Variants in UNC13B observed in about 807,000 individuals in gnomAD.
UNC13B encodes the protein unc-13 homolog B.
Under a neutral mutation model 211.0 loss-of-function variants are expected in UNC13B, and 144 were observed. The observed-to-expected ratio is 0.68, with a 90% CI of 0.60 to 0.78. UNC13B has a LOEUF of 0.78. UNC13B is among the 30% of genes least tolerant of loss of function. The pLI is 0.00. For missense variants in UNC13B, 1,777 were observed against 2,002.0 expected, an observed-to-expected ratio of 0.89 and a Z score of 2.14; for synonymous variants, 709 against 725.8, an observed-to-expected ratio of 0.98 and a Z score of 0.37.
At chr9:35,226,611 A>G (rs530842413) in intron 1 of UNC13B, among the ~76,000 whole-genome samples, 1 of 152,324 alleles carries the variant, frequency 6.6e-6, no homozygotes, top group South Asian at 2.1e-4. Context: ...CAGGTGTAAG[A>G]CCAAGAGTCC....
chr9:35,381,856 A>G, intron 20 of UNC13B, 137 bp downstream of exon 20: 1 of 1,075,154 alleles, frequency 9.3e-7, no homozygotes, highest in Non-Finnish European at 1.4e-6. Context: ...GCTGGGTGAG[A>G]TGGGTCTATG....
intron 36 of UNC13B, 86 bp downstream of exon 36, chr9:35,399,815 C>A: frequency 7.9e-7 from 1 of 1,259,248 alleles, no homozygotes; most frequent in Non-Finnish European, 1.2e-6. Flanking sequence ...GGTGTCCCTC[C>A]AATTCTTAAC....
At chr9:35,200,094 G>A (rs1366269696) in intron 1 of UNC13B, among the ~76,000 whole-genome samples, 6 of 152,152 alleles carry the variant, frequency 3.9e-5, no homozygotes, top group Non-Finnish European at 8.8e-5. Context: ...TTATTAAATA[G>A]GGAATCCTTT....
chr9:35,197,700 T>A (rs1385043180), intron 1 of UNC13B, among the ~76,000 whole-genome samples: 1 of 151,686 alleles, frequency 6.6e-6, no homozygotes, highest in East Asian at 2.0e-4. Context: ...CTTGCTGTTC[T>A]TGTGACAGTG....
At chr9:35,310,378 G>T in intron 9 of UNC13B, 89 bp from the exon 10 acceptor site, 1 of 1,356,280 alleles carries the variant, frequency 7.4e-7, no homozygotes, top group Non-Finnish European at 1.0e-6. Context: ...TGCTACTAAT[G>T]TAGTCATTAT....
At chr9:35,384,575 T>C in intron 22 of UNC13B, 5 of 985,476 alleles carry the variant, frequency 5.1e-6, no homozygotes, top group Non-Finnish European at 6.0e-6. Context: ...CTAAACTCTC[T>C]GGTGACATTC....
intron 7 of UNC13B, among the ~76,000 whole-genome samples, chr9:35,271,359 A>T (rs904028464): frequency 1.3e-5 from 2 of 152,126 alleles, no homozygotes; most frequent in African/African-American, 4.8e-5. Flanking sequence ...CAGGAGACGC[A>T]TGTGGCTTTT....
intron 11 of UNC13B, among the ~76,000 whole-genome samples, chr9:35,343,326 G>C (rs1311114179): frequency 6.6e-6 from 1 of 152,206 alleles, no homozygotes; most frequent in African/African-American, 2.4e-5. Context: ...TCTAGTATGA[G>C]TTGGATAGGA....
intron 11 of UNC13B, among the ~76,000 whole-genome samples, chr9:35,325,456 G>A (rs1369792167): frequency 2.6e-5 from 4 of 152,140 alleles, no homozygotes; most frequent in Admixed American, 1.3e-4. Flanking sequence ...GTGACATAGA[G>A]ACAAGGATAC....
intron 8 of UNC13B, 105 bp downstream of exon 8, chr9:35,296,035 T>A: frequency 9.4e-7 from 1 of 1,065,050 alleles, no homozygotes; most frequent in Non-Finnish European, 1.4e-6. Flanking sequence ...AGCGTAAGTG[T>A]AGCAGTATCA....
chr9:35,222,010 G>A (rs1279805284), intron 1 of UNC13B, among the ~76,000 whole-genome samples: 3 of 152,026 alleles, frequency 2.0e-5, no homozygotes, highest in African/African-American at 7.2e-5. Flanking sequence ...TTTTTCCATT[G>A]ATCATTATGT....
rs774096285 is a variant in UNC13B at position 35,295,779 on chromosome 9, C to T, written c.610C>T (p.His204Tyr). ...ETSNSFPPPY[H>Y]TASQPNASVH... ...CAGCAACAGCTTCCCACCTCCTTAC[C>T]ATACAGCTTCCCAGCCCAACGCTTC... Residue 204 changes from histidine to tyrosine, a missense_variant, in exon 8 of 40, where the codon CAT becomes TAT. Coordinates refer to ENST00000635942, the MANE Select transcript of UNC13B (RefSeq NM_001371189.2). The T allele has an allele frequency of 1.9e-6, 3 of 1,614,048 alleles. No homozygotes were observed. In the South Asian group the frequency reaches 3.3e-5, roughly 18 times the overall value.
chr9:35,218,923 A>AT (rs1824413551), intron 1 of UNC13B, among the ~76,000 whole-genome samples: 1 of 151,592 alleles, frequency 6.6e-6, no homozygotes. Context: ...CTAATTTTGT[A>AT]TTTTTAGTAG....
intron 11 of UNC13B, chr9:35,351,256 C>A: frequency 1.8e-6 from 2 of 1,119,434 alleles, no homozygotes; most frequent in Non-Finnish European, 2.2e-6. Flanking sequence ...CATCCTGCTA[C>A]TTTCTGACCT....
intron 6 of UNC13B, among the ~76,000 whole-genome samples, chr9:35,245,259 A>G (rs1826023251): frequency 6.6e-6 from 1 of 152,036 alleles, no homozygotes. Flanking sequence ...TTATACAAAA[A>G]TTGTGGAATT....
chr9:35,211,401 T>C (rs774201500), intron 1 of UNC13B, among the ~76,000 whole-genome samples: 1 of 152,196 alleles, frequency 6.6e-6, no homozygotes, highest in Non-Finnish European at 1.5e-5. Context: ...TTTACATTCA[T>C]GTATTTTGGA....
chr9:35,370,494 A>T (rs1015789156), intron 13 of UNC13B, 98 bp downstream of exon 13: 2 of 1,112,706 alleles, frequency 1.8e-6, no homozygotes, highest in South Asian at 2.8e-5. Flanking sequence ...CCATTTAATG[A>T]CTCAAATTGA....
At chr9:35,239,651 C>T (rs994595874) in intron 5 of UNC13B, among the ~76,000 whole-genome samples, 23 of 152,138 alleles carry the variant, frequency 1.5e-4, no homozygotes, top group Admixed American at 6.5e-4. Context: ...CTACAGGAGA[C>T]CAGGGCTTAT....
In UNC13B at chr9:35,376,249, T is replaced by C; in HGVS notation, c.9835+2T>C. On this transcript the variant is annotated splice_donor_variant, in intron 15 of 39. Transcript: ENST00000635942. LOFTEE classifies it high-confidence loss of function. ...TGCTCAATGCTGACTGCCTGCAGCGTGAGTGCCCTGCGGGATGAGGGGCGG... is the reference window on the plus strand; with the variant it reads ...TGCTCAATGCTGACTGCCTGCAGCGCGAGTGCCCTGCGGGATGAGGGGCGG... The C allele has an allele frequency of 6.2e-7, 1 of 1,613,042 alleles. No individual in the cohort carries two copies. The highest frequency in any genetic ancestry group is 8.5e-7 in the Non-Finnish European group (1 of 1,179,824).
Sources: allele counts gnomAD v4.1 joint callset (sites outside exome capture counted in the v4.1 genomes callset), GRCh38; gene constraint gnomAD v4.1.1; transcripts MANE v1.5; gene names NCBI Gene and HGNC (gene_info 2026-07-23, HGNC 2026-07-21).